Variants in EBF3 observed in about 807,000 individuals in gnomAD.
EBF3 encodes the protein transcription factor COE3.
Under a neutral mutation model 77.1 loss-of-function variants are expected in EBF3, and 18 were observed. That is an observed-to-expected ratio of 0.23 (90% CI 0.16 to 0.35). EBF3 has a LOEUF of 0.35. EBF3 is among the 10% of genes least tolerant of loss of function. The pLI, the probability that EBF3 is intolerant of heterozygous loss-of-function variation, is 1.00. For synonymous variants in EBF3, 350 were observed against 343.5 expected, an observed-to-expected ratio of 1.02 and a Z score of -0.21; for missense variants, 558 against 860.0, an observed-to-expected ratio of 0.65 and a Z score of 4.39.
intron 6 of EBF3, among the ~76,000 whole-genome samples, chr10:129,921,210 A>AG (rs11400302): frequency 0.11 from 16,794 of 152,172 alleles, 981 homozygotes; most frequent in South Asian, 0.21. Flanking sequence ...GCAGTGGGCA[A>AG]GGGGTCCCTG....
intron 6 of EBF3, among the ~76,000 whole-genome samples, chr10:129,945,363 G>A (rs1448441467): frequency 3.3e-5 from 5 of 152,158 alleles, no homozygotes; most frequent in African/African-American, 4.8e-5. Context: ...AACCGATTGC[G>A]ATGGTCTAAT....
At chr10:129,908,716 T>A (rs1855313165) in intron 6 of EBF3, among the ~76,000 whole-genome samples, 1 of 152,220 alleles carries the variant, frequency 6.6e-6, no homozygotes, top group Admixed American at 6.5e-5. Flanking sequence ...AGAGGAGACA[T>A]CATGGACACA....
intron 6 of EBF3, among the ~76,000 whole-genome samples, chr10:129,905,398 G>A (rs1855071153): frequency 6.6e-6 from 1 of 151,844 alleles, no homozygotes; most frequent in Non-Finnish European, 1.5e-5. Context: ...TTGGCTATAT[G>A]AAGGAAAAAA....
rs545303923 is a variant in EBF3, at chr10:129,836,583, G to A, written c.*1360C>T. ...TAATATAAAAATAAACAATGAATTTGACTTTTCCTCAAAATAAAAAAAAAA... is the reference window on the plus strand; with the variant it reads ...TAATATAAAAATAAACAATGAATTTAACTTTTCCTCAAAATAAAAAAAAAA... On this transcript the variant is annotated 3_prime_UTR_variant, in exon 17 of 17. Coordinates refer to ENST00000440978, the MANE Select transcript of EBF3 (RefSeq NM_001375380.1). 2.1e-4 allele frequency: 27 copies of A among 130,480 alleles called. No homozygotes were observed. The highest frequency in any genetic ancestry group is 6.1e-4 in the African/African-American group (23 of 37,498). 8.1% of individuals were successfully genotyped at this position (130,480 alleles called of 1,614,324 possible).
At chr10:129,931,373 T>C (rs952040349) in intron 6 of EBF3, among the ~76,000 whole-genome samples, 1 of 152,166 alleles carries the variant, frequency 6.6e-6, no homozygotes, top group Admixed American at 6.5e-5. Flanking sequence ...CCCCTCAAGA[T>C]CAAGAAGAGA....
At position 129,867,929 on chromosome 10, in the gene EBF3, G is replaced by A. The variant is rs764511635; in HGVS notation, c.782-17C>T. On this transcript the variant is annotated splice_polypyrimidine_tract_variant and intron_variant, in intron 8 of 16. Coordinates refer to ENST00000440978, the MANE Select transcript of EBF3 (RefSeq NM_001375380.1). ...ACGGAGTGGCTGCTCACACAAGACA[G>A]AGAAGGCAGACCTTAGAGCCCCGTC... is the stretch of plus-strand genomic sequence containing the variant. 1.2e-6 allele frequency: 2 copies of A among 1,613,184 alleles called. No individual in the cohort carries two copies. The highest frequency in any genetic ancestry group is 1.7e-6 in the Non-Finnish European group (2 of 1,179,486).
Position 129,848,275 on chromosome 10 carries a change from G to T in EBF3, c.1128+117C>A, listed in dbSNP as rs1590056433. On this transcript the variant is annotated intron_variant, in intron 11 of 16. Coordinates refer to ENST00000440978, the MANE Select transcript of EBF3 (RefSeq NM_001375380.1). This position sits in a 1 kb window ranked among gnomAD's most constrained non-coding sequence, Gnocchi z 4.4. ...CTCACACCTGTCGGCCCTGTGGTGG[G>T]CACAGAGTTTGGGGAATCTGCAATC... 9.2e-7 allele frequency: 1 copy of T among 1,086,956 alleles called. No individual in the cohort carries two copies. The highest frequency in any genetic ancestry group is 1.4e-6 in the Non-Finnish European group (1 of 709,286). The allele number at this position is 1,086,956 out of a possible 1,614,324, so 67.3% of individuals were successfully genotyped here. A position where few individuals can be genotyped will look rare whatever the true frequency, so the allele number is the denominator to read the frequency against.
chr10:129,844,597 CTTTA>C (rs1187097571), intron 11 of EBF3, among the ~76,000 whole-genome samples: 1 of 152,164 alleles, frequency 6.6e-6, no homozygotes, highest in Non-Finnish European at 1.5e-5. Context: ...ACTCTGGACC[CTTTA>C]TTTATCAAGA....
At chr10:129,844,506 CTG>C (rs1850315160) in intron 11 of EBF3, among the ~76,000 whole-genome samples, 1 of 152,166 alleles carries the variant, frequency 6.6e-6, no homozygotes, top group Non-Finnish European at 1.5e-5. Context: ...ACTGTTAAAT[CTG>C]TGTTACATCT....
At position 129,840,999 on chromosome 10, in the gene EBF3, G is replaced by A. The variant is rs1486926916; in HGVS notation, c.1406C>T (p.Pro469Leu). Residue 469 changes from proline (P) to leucine (L), a missense_variant, in exon 14 of 17, where the codon CCG becomes CTG. Around this residue, in one of 5 missense-constraint regions of EBF3, gnomAD observed 284 missense variants for 368.3 expected, o/e 0.77. Coordinates refer to ENST00000440978, the MANE Select transcript of EBF3 (RefSeq NM_001375380.1). Reference sequence around the variant, plus strand: ...AGTACTGCTGGGGACGTAGCCTCGCGGGGACACGCTGCTTGTATTGCGACT... The same window carrying A: ...AGTACTGCTGGGGACGTAGCCTCGCAGGGACACGCTGCTTGTATTGCGACT... ...GYSRNTSSVS[P>L]RGYVPSSTPQ... 2.5e-6 allele frequency: 4 copies of A among 1,611,892 alleles called. No individual in the cohort carries two copies. The highest frequency in any genetic ancestry group is 1.1e-5 in the South Asian group (1 of 90,982).
chr10:129,864,013 G>A lies in EBF3; in HGVS notation c.1039+3128C>T, dbSNP rs576077364. Among the ~76,000 whole-genome samples the A allele has an allele frequency of 6.6e-6, 1 of 152,280 alleles. No individual in the cohort carries two copies. Among genetic ancestry groups the A allele is most frequent in the South Asian group, 2.1e-4 (1 of 4,812 alleles). ...CGGGCAGCCAGGACCCTGAGCTTGT[G>A]CCTGAGAAGCCCAGTCAGCCCCAGA... On this transcript the variant is annotated intron_variant, in intron 10 of 16. Coordinates refer to ENST00000440978, the MANE Select transcript of EBF3 (RefSeq NM_001375380.1). This position sits in a 1 kb window ranked among gnomAD's most constrained non-coding sequence, Gnocchi z 4.4.
rs1850618597 is a variant in EBF3, at chr10:129,848,304, C to T, written c.1128+88G>A. Reference sequence around the variant, plus strand: ...AGAGTTTGGGGAATCTGCAATCCCCCCTTCCCAGAGCACCTGCTGCCCCCA... The same window carrying T: ...AGAGTTTGGGGAATCTGCAATCCCCTCTTCCCAGAGCACCTGCTGCCCCCA... On this transcript the variant is annotated intron_variant, in intron 11 of 16. Transcript: ENST00000440978. This position sits in a 1 kb window ranked among gnomAD's most constrained non-coding sequence, Gnocchi z 4.4. 7.4e-7 allele frequency: 1 copy of T among 1,353,998 alleles called. No homozygotes were observed. Among genetic ancestry groups the T allele is most frequent in the Non-Finnish European group, 1.1e-6 (1 of 944,422 alleles). 83.9% of individuals were successfully genotyped at this position (1,353,998 alleles called of 1,614,324 possible). A position where few individuals can be genotyped will look rare whatever the true frequency, so the allele number is the denominator to read the frequency against.
intron 6 of EBF3, among the ~76,000 whole-genome samples, chr10:129,904,431 C>A (rs1351314434): frequency 6.6e-6 from 1 of 151,778 alleles, no homozygotes; most frequent in Non-Finnish European, 1.5e-5. Context: ...ATTAAATGGA[C>A]AGATGGATGG....
chr10:129,867,791 C>T lies in EBF3; in HGVS notation c.903G>A (p.Val301=), dbSNP rs1200628039. Residue 301 remains valine, a synonymous_variant, in exon 9 of 17, where the codon GTG becomes GTA. Coordinates refer to ENST00000440978, the MANE Select transcript of EBF3 (RefSeq NM_001375380.1). The part of the protein sequence containing the change: ...GLQVVFGTML[V]WSELITPHAI... The stretch of plus-strand genomic sequence containing the variant: ...GAGTCCGCGGGCTTACCTCGCTCCA[C>T]ACCAACATAGTTCCGAATACAACTT... 6.8e-6 allele frequency: 11 copies of T among 1,614,222 alleles called. No homozygotes were observed. Among genetic ancestry groups the T allele is most frequent in the Middle Eastern group, 1.6e-4 (1 of 6,062 alleles).
intron 4 of EBF3, among the ~76,000 whole-genome samples, chr10:129,961,660 A>G (rs764186016): frequency 3.3e-5 from 5 of 152,172 alleles, no homozygotes; most frequent in Non-Finnish European, 7.3e-5. Flanking sequence ...AAGATGGACT[A>G]GAGGAGAACA....
At chr10:129,868,589 A>C (rs1440604741) in intron 8 of EBF3, among the ~76,000 whole-genome samples, 1 of 152,034 alleles carries the variant, frequency 6.6e-6, no homozygotes, top group Non-Finnish European at 1.5e-5. Context: ...CACCGGCCGC[A>C]GAGGCAGCCC....
intron 6 of EBF3, among the ~76,000 whole-genome samples, chr10:129,889,708 A>C (rs1262582698): frequency 2.6e-5 from 4 of 151,944 alleles, no homozygotes; most frequent in Non-Finnish European, 5.9e-5. Flanking sequence ...AAAGAGGAAA[A>C]CAACCAGGAT....
intron 6 of EBF3, among the ~76,000 whole-genome samples, chr10:129,901,902 T>G (rs570447770): frequency 1.3e-5 from 2 of 152,306 alleles, no homozygotes; most frequent in Admixed American, 1.3e-4. Flanking sequence ...TGTGGCCAGA[T>G]GGAAAATCAC....
At chr10:129,904,060 C>G (rs2134256748) in intron 6 of EBF3, among the ~76,000 whole-genome samples, 1 of 152,300 alleles carries the variant, frequency 6.6e-6, no homozygotes, top group African/African-American at 2.4e-5. Flanking sequence ...TTCAGGATAA[C>G]ATAGTTGGTG....
Sources: gnomAD v4.1 joint callset for allele counts (sites outside exome capture counted in the v4.1 genomes callset) on GRCh38, gnomAD v4.1.1 for gene constraint, gnomAD v4.1.1 regional missense constraint, Gnocchi (gnomAD v3.1) non-coding constraint, MANE v1.5 for transcripts, NCBI Gene and HGNC (gene_info 2026-07-23, HGNC 2026-07-21) for gene names.